The following TTLL13 variants were observed in gnomAD, a reference collection of about 807,000 sequenced individuals.
TTLL13 encodes tubulin tyrosine ligase like 13.
At chr15:90,259,268 T>A in the TTLL13 span, among the ~76,000 whole-genome samples, 1 of 152,062 alleles carries the variant, frequency 6.6e-6, no homozygotes, top group African/African-American at 2.4e-5. Flanking sequence ...GACATGCCTG[T>A]ATTCCCAGCT....
At chr15:90,259,099 A>C in the TTLL13 span, 4 of 1,409,520 alleles carry the variant, frequency 2.8e-6, no homozygotes, top group Non-Finnish European at 3.7e-6. Context: ...TTGGTGGCTC[A>C]TATCTGTAAT....
chr15:90,259,137 AG>A, the TTLL13 span: 1 of 1,190,910 alleles, frequency 8.4e-7, no homozygotes, highest in Non-Finnish European at 1.1e-6. Context: ...CTGAGGCAGG[AG>A]GATTGCTTGA....
chr15:90,254,027 A>G, the TTLL13 span, among the ~76,000 whole-genome samples: 1 of 152,196 alleles, frequency 6.6e-6, no homozygotes, highest in African/African-American at 2.4e-5. Context: ...GCTCCAGAGG[A>G]GGTTGGGTGT....
chr15:90,257,252 C>T, the TTLL13 span: 1 of 1,613,654 alleles, frequency 6.2e-7, no homozygotes, highest in East Asian at 2.2e-5. Context: ...TGCCACCACG[C>T]CCTATATGGA....
At chr15:90,264,182 G>T in the TTLL13 span, 1 of 651,420 alleles carries the variant, frequency 1.5e-6, no homozygotes, top group Non-Finnish European at 2.6e-6. Context: ...GGAAGTTAGG[G>T]TACCCATTTA....
chr15:90,262,245 C>T, the TTLL13 span: 2,889 of 1,446,554 alleles, frequency 2.0e-3, 4 homozygotes, highest in Non-Finnish European at 2.2e-3. Context: ...AGTCCTGAAG[C>T]TGCATTGCTT....
the TTLL13 span, chr15:90,263,140 A>G: frequency 6.6e-7 from 1 of 1,524,190 alleles, no homozygotes; most frequent in South Asian, 1.2e-5. Context: ...ACTTCATGAG[A>G]GTCGGGTGAG....
the TTLL13 span, chr15:90,262,965 G>A: frequency 6.5e-7 from 1 of 1,535,324 alleles, no homozygotes. Context: ...GTACCTTGTA[G>A]CTGCTGCCGG....
the TTLL13 span, chr15:90,250,516 A>T: frequency 6.7e-6 from 9 of 1,336,640 alleles, no homozygotes; most frequent in Non-Finnish European, 9.2e-6. Context: ...ACTTTCCCTT[A>T]TAACAGCATG....
At chr15:90,255,974 C>T in the TTLL13 span, 5 of 1,594,408 alleles carry the variant, frequency 3.1e-6, no homozygotes, top group Non-Finnish European at 4.3e-6. Context: ...AGGAATGTCT[C>T]AGAGGGATGG....
At chr15:90,261,554 A>C in the TTLL13 span, among the ~76,000 whole-genome samples, 3 of 151,884 alleles carry the variant, frequency 2.0e-5, no homozygotes, top group Admixed American at 6.6e-5. Flanking sequence ...GCACTTTGGG[A>C]GGCCGAGGTG....
At chr15:90,251,627 G>A in the TTLL13 span, 6 of 1,608,126 alleles carry the variant, frequency 3.7e-6, no homozygotes, top group South Asian at 2.2e-5. Context: ...ACACTGTGGT[G>A]CATAACATGG....
the TTLL13 span, chr15:90,264,003 A>T: frequency 6.5e-7 from 1 of 1,536,122 alleles, no homozygotes; most frequent in Non-Finnish European, 8.7e-7. Context: ...GTTCATTGTC[A>T]ATGAAGAAGG....
At chr15:90,257,988 T>G in the TTLL13 span, 8 of 1,565,032 alleles carry the variant, frequency 5.1e-6, no homozygotes, top group African/African-American at 9.5e-5. Context: ...GCCTACAGCC[T>G]GGCCCAGTGG....
At chr15:90,262,529 C>T in the TTLL13 span, 1 of 1,525,206 alleles carries the variant, frequency 6.6e-7, no homozygotes, top group Non-Finnish European at 8.7e-7. Context: ...GCAGGAACAG[C>T]AGGAGACCTC....
At chr15:90,253,189 C>A in the TTLL13 span, 1 of 1,431,320 alleles carries the variant, frequency 7.0e-7, no homozygotes, top group Non-Finnish European at 9.8e-7. Context: ...CCCAGCTACA[C>A]AGTTCCAGGG....
At chr15:90,257,306 C>G in the TTLL13 span, 1 of 1,595,098 alleles carries the variant, frequency 6.3e-7, no homozygotes, top group Non-Finnish European at 8.5e-7. Flanking sequence ...AAGCACTCTT[C>G]TTTTCCACTG....
At chr15:90,261,966 C>A in the TTLL13 span, 1 of 1,472,924 alleles carries the variant, frequency 6.8e-7, no homozygotes, top group South Asian at 1.3e-5. Context: ...TGAACATTCC[C>A]ACAGCCCTAC....
the TTLL13 span, chr15:90,250,563 G>T: frequency 3.9e-6 from 6 of 1,543,878 alleles, no homozygotes; most frequent in Non-Finnish European, 5.2e-6. Context: ...GCCTTCTAGG[G>T]CCTGAGGGAG....
Sources: gnomAD v4.1 joint callset for allele counts (sites outside exome capture counted in the v4.1 genomes callset) on GRCh38, gnomAD v4.1.1 for gene constraint, MANE v1.5 for transcripts, NCBI Gene and HGNC (gene_info 2026-07-23, HGNC 2026-07-21) for gene names.